HSD17B2: variants seen among roughly 807,000 people sequenced by gnomAD.
HSD17B2 encodes hydroxysteroid 17-beta dehydrogenase 2, also known as 17-beta-hydroxysteroid dehydrogenase type 2.
Under a neutral mutation model 26.9 loss-of-function variants are expected in HSD17B2, and 32 were observed. The ratio of observed to expected loss-of-function variants is 1.19; its 90% CI spans 0.90 to 1.60. HSD17B2 has a LOEUF of 1.60. Ranked by LOEUF, HSD17B2 falls within the 40% of genes most tolerant of loss-of-function variation. The pLI is 0.00. For missense variants in HSD17B2, 613 were observed against 468.6 expected (o/e 1.31, Z -2.85); for synonymous variants, 246 against 186.7 (o/e 1.32, Z -2.59).
At chr16:82,054,537 G>A (rs143072508) in intron 1 of HSD17B2, among the ~76,000 whole-genome samples, 10 of 152,232 alleles carry the variant, frequency 6.6e-5, no homozygotes, top group African/African-American at 2.4e-4. Context: ...TAGACATGGG[G>A]TTTCACCATG....
At chr16:82,066,749 T>C (rs1445597610) in intron 1 of HSD17B2, among the ~76,000 whole-genome samples, 1 of 152,210 alleles carries the variant, frequency 6.6e-6, no homozygotes, top group East Asian at 1.9e-4. Flanking sequence ...ATTATTATAC[T>C]GCAAATTATT....
At chr16:82,045,474 G>T (rs969147038) in intron 1 of HSD17B2, among the ~76,000 whole-genome samples, 9 of 152,190 alleles carry the variant, frequency 5.9e-5, no homozygotes, top group Non-Finnish European at 1.3e-4. Flanking sequence ...AATATATATT[G>T]CTGCCTGATA....
chr16:82,077,090 T>A (rs1904306412), intron 3 of HSD17B2, among the ~76,000 whole-genome samples: 1 of 152,192 alleles, frequency 6.6e-6, no homozygotes. Flanking sequence ...GTCCATACTA[T>A]TCAAGGAAAT....
intron 4 of HSD17B2, 74 bp downstream of exon 4, chr16:82,091,113 G>C: frequency 2.1e-6 from 3 of 1,410,170 alleles, no homozygotes; most frequent in South Asian, 1.2e-5. Context: ...GTCTGACAGA[G>C]CACACATTGA....
intron 4 of HSD17B2, chr16:82,096,813 A>C (rs1904853290): frequency 6.6e-6 from 1 of 152,160 alleles, no homozygotes; most frequent in Non-Finnish European, 1.5e-5. Flanking sequence ...ATCAACACAC[A>C]GTGCATGGAT....
rs776595693 is a variant in HSD17B2 at position 82,035,629 on chromosome 16, T to C, written c.205T>C (p.Tyr69His). 1.2e-6 allele frequency: 2 copies of C among 1,613,928 alleles called. No individual in the cohort carries two copies. The highest frequency in any genetic ancestry group is 1.1e-5 in the South Asian group (1 of 91,076). ...ILFSVSCFLM[Y>H]TYLSGQELLP... ...CTTCTCGGTGTCATGCTTCCTCATG[T>C]ATACTTACTTATCTGGCCAAGAATT... Residue 69 changes from tyrosine to histidine, a missense_variant, in exon 1 of 5, where the codon TAT becomes CAT. Tyr to His is a moderately conservative substitution (Grantham distance 83, BLOSUM62 2). Coordinates refer to ENST00000199936, the MANE Select transcript of HSD17B2 (RefSeq NM_002153.3).
intron 1 of HSD17B2, among the ~76,000 whole-genome samples, chr16:82,055,629 C>T (rs1914243208): frequency 6.6e-6 from 1 of 152,178 alleles, no homozygotes; most frequent in African/African-American, 2.4e-5. Flanking sequence ...AAAACTCCCC[C>T]ACAGTGGGCA....
chr16:82,066,444 T>A (rs1423870357), intron 1 of HSD17B2, among the ~76,000 whole-genome samples: 2 of 151,752 alleles, frequency 1.3e-5, no homozygotes, highest in Non-Finnish European at 2.9e-5. Context: ...TGCTAGGATC[T>A]CTCTCTCTTC....
chr16:82,050,672 A>C (rs754148620), intron 1 of HSD17B2, among the ~76,000 whole-genome samples: 57 of 152,080 alleles, frequency 3.7e-4, no homozygotes, highest in Non-Finnish European at 1.2e-4. Context: ...TTGAAGCACC[A>C]AGCTCTAAAG....
intron 4 of HSD17B2, chr16:82,095,341 T>C (rs1720910651): frequency 6.6e-6 from 1 of 152,296 alleles, no homozygotes; most frequent in African/African-American, 2.4e-5. Flanking sequence ...TGCATTTCCA[T>C]AAGTATAATT....
intron 3 of HSD17B2, chr16:82,071,341 T>A (rs1361171602): frequency 1.6e-6 from 1 of 611,940 alleles, no homozygotes. Flanking sequence ...TTCTAACTCA[T>A]CCATTTGTTA....
chr16:82,060,958 T>C (rs1054625909), intron 1 of HSD17B2, among the ~76,000 whole-genome samples: 5 of 152,064 alleles, frequency 3.3e-5, no homozygotes, highest in Admixed American at 3.3e-4. Context: ...GTCGGTTTTT[T>C]AAAAAAAGTT....
chr16:82,047,040 AG>A (rs1180823828), intron 1 of HSD17B2, among the ~76,000 whole-genome samples: 1 of 152,242 alleles, frequency 6.6e-6, no homozygotes, highest in African/African-American at 2.4e-5. Flanking sequence ...ATTCAGACAC[AG>A]AATCTTATGC....
intron 3 of HSD17B2, among the ~76,000 whole-genome samples, chr16:82,089,990 G>C (rs569953423): frequency 6.6e-6 from 1 of 152,124 alleles, no homozygotes; most frequent in Non-Finnish European, 1.5e-5. Context: ...CTCAGTTTAA[G>C]GCTCAATCTC....
At chr16:82,073,053 G>A (rs1439859296) in intron 3 of HSD17B2, among the ~76,000 whole-genome samples, 2 of 151,876 alleles carry the variant, frequency 1.3e-5, no homozygotes, top group South Asian at 2.1e-4. Flanking sequence ...AGAGTGAGAC[G>A]CTCTCTCAAA....
chr16:82,062,008 C>T (rs1335637295), intron 1 of HSD17B2, among the ~76,000 whole-genome samples: 3 of 152,192 alleles, frequency 2.0e-5, no homozygotes, highest in Non-Finnish European at 2.9e-5. Context: ...TTATTCACAA[C>T]GTGCCCAATT....
At chr16:82,039,785 T>C (rs1913720644) in intron 1 of HSD17B2, among the ~76,000 whole-genome samples, 1 of 152,136 alleles carries the variant, frequency 6.6e-6, no homozygotes, top group Non-Finnish European at 1.5e-5. Context: ...CGACTCAGCA[T>C]CTACTGTGTA....
intron 1 of HSD17B2, among the ~76,000 whole-genome samples, chr16:82,064,148 G>C (rs926912820): frequency 6.6e-6 from 1 of 152,190 alleles, no homozygotes; most frequent in Admixed American, 6.5e-5. Flanking sequence ...TTTCCTAAGA[G>C]AGTCAGATCC....
intron 4 of HSD17B2, chr16:82,096,069 G>T (rs1269689752): frequency 1.3e-5 from 2 of 151,860 alleles, no homozygotes; most frequent in African/African-American, 4.8e-5. Flanking sequence ...AGCAGGTATT[G>T]TCTTTATTTT....
Sources: gnomAD v4.1 joint callset for allele counts (sites outside exome capture counted in the v4.1 genomes callset) on GRCh38, gnomAD v4.1.1 for gene constraint, MANE v1.5 for transcripts, NCBI Gene and HGNC (gene_info 2026-07-23, HGNC 2026-07-21) for gene names.